Variants in ENPP3 observed in about 807,000 individuals in gnomAD.
The protein encoded by ENPP3 is ectonucleotide pyrophosphatase/phosphodiesterase family member 3.
Under a neutral mutation model 117.8 loss-of-function variants are expected in ENPP3, and 104 were observed. The ratio of observed to expected loss-of-function variants is 0.88; its 90% CI spans 0.75 to 1.04. The LOEUF is 1.04. ENPP3 is among the 50% of genes least tolerant of loss of function. ENPP3 has a pLI of 0.00. For missense variants in ENPP3, 1,026 were observed against 1,051.9 expected, an observed-to-expected ratio of 0.98 and a Z score of 0.34; for synonymous variants, 380 against 349.9, an observed-to-expected ratio of 1.09 and a Z score of -0.96.
chr6:131,678,410 TCC>T (rs916140213), intron 11 of ENPP3, among the ~76,000 whole-genome samples: 3 of 152,236 alleles, frequency 2.0e-5, no homozygotes, highest in Non-Finnish European at 4.4e-5. Flanking sequence ...CCTTCTAGGC[TCC>T]CATTGTCATT....
At chr6:131,720,402 G>T (rs73777788) in intron 17 of ENPP3, 23 bp downstream of exon 17, 4 of 1,269,568 alleles carry the variant, frequency 3.2e-6, no homozygotes, top group South Asian at 1.3e-5. Context: ...AAATAAGTTC[G>T]CCAACAAAAT....
At position 131,679,187 on chromosome 6, in the gene ENPP3, C is replaced by T. The variant is rs567542080; in HGVS notation, c.1011+1247C>T. On this transcript the variant is annotated intron_variant, in intron 11 of 24. Transcript: ENST00000357639. ...TCAGCTCTCTGCAACCTCCATGTCCCGGATTCAAGCAGTTCTCCTGTCTCA... is the reference window on the plus strand; with the variant it reads ...TCAGCTCTCTGCAACCTCCATGTCCTGGATTCAAGCAGTTCTCCTGTCTCA... 6.2e-4 allele frequency among the ~76,000 whole-genome samples: 93 copies of T among 151,210 alleles called. No individual in the cohort carries two copies. The South Asian group carries it at 0.017, about 28-fold the overall frequency.
chr6:131,717,934 A>G (rs1429096819), intron 15 of ENPP3, among the ~76,000 whole-genome samples: 1 of 152,228 alleles, frequency 6.6e-6, no homozygotes, highest in Non-Finnish European at 1.5e-5. Context: ...TGTGGTATTC[A>G]GTACAGTAGC....
chr6:131,702,259 A>T (rs1035351555), intron 15 of ENPP3, among the ~76,000 whole-genome samples: 23 of 151,722 alleles, frequency 1.5e-4, no homozygotes, highest in African/African-American at 5.4e-4. Flanking sequence ...AGGTTTAATT[A>T]AGGGCGGGCT....
chr6:131,740,089 TA>T, intron 23 of ENPP3, 134 bp from the exon 24 acceptor site: 1 of 663,582 alleles, frequency 1.5e-6, no homozygotes, highest in Non-Finnish European at 2.3e-6. Context: ...TAGCATATAG[TA>T]AAATGCTGTC....
Position 131,740,340 on chromosome 6 carries a change from T to C in ENPP3, c.2417T>C (p.Phe806Ser), listed in dbSNP as rs1256225591. 1 of 1,612,084 alleles carries C rather than the reference T, an allele frequency of 6.2e-7. No homozygotes were observed. Among genetic ancestry groups the C allele is most frequent in the Non-Finnish European group, 8.5e-7 (1 of 1,178,986 alleles). The change falls in exon 24 of 25, where the codon TTT (phenylalanine) becomes TCT (serine). Residue 806 changes from phenylalanine to serine, a missense_variant. By Grantham distance (155) the Phe-to-Ser change is radical. Coordinates refer to ENST00000357639, the MANE Select transcript of ENPP3 (RefSeq NM_005021.5). ...NCPGWLDVLPFIIPHRPTNVE... is the reference protein window; with the variant it reads ...NCPGWLDVLPSIIPHRPTNVE... ...CCTGGGTGGCTGGATGTCCTACCCT[T>C]TATCATCCCTCACCGACCTACCAAC...
chr6:131,674,522 C>T (rs554298796), intron 8 of ENPP3: 29 of 503,706 alleles, frequency 5.8e-5, no homozygotes, highest in African/African-American at 5.3e-4. Context: ...CTGGAAGTTA[C>T]TCAGAAAGAT....
chr6:131,671,195 CA>C, intron 6 of ENPP3, 52 bp from the exon 7 acceptor site: 1 of 1,014,678 alleles, frequency 9.9e-7, no homozygotes, highest in South Asian at 1.3e-5. Flanking sequence ...TTTAGTTATC[CA>C]AAAAACTGAA....
At chr6:131,690,428 G>A (rs1208704406) in intron 14 of ENPP3, among the ~76,000 whole-genome samples, 11 of 152,174 alleles carry the variant, frequency 7.2e-5, no homozygotes, top group South Asian at 4.1e-4. Context: ...CTCACTGAAC[G>A]CTCAGAGGAT....
chr6:131,668,352 T>C (rs1778666466), intron 6 of ENPP3, among the ~76,000 whole-genome samples: 1 of 151,610 alleles, frequency 6.6e-6, no homozygotes, highest in South Asian at 2.1e-4. Flanking sequence ...GGATCTGGGA[T>C]TACAGGCACG....
intron 16 of ENPP3, among the ~76,000 whole-genome samples, chr6:131,720,090 G>A (rs2114525891): frequency 6.6e-6 from 1 of 152,228 alleles, no homozygotes; most frequent in East Asian, 1.9e-4. Flanking sequence ...AGTAAATACA[G>A]CACTGATTAT....
At chr6:131,739,215 C>T (rs1398893724) in intron 23 of ENPP3, among the ~76,000 whole-genome samples, 2 of 152,200 alleles carry the variant, frequency 1.3e-5, no homozygotes, top group African/African-American at 4.8e-5. Context: ...TGTTCTAAAT[C>T]ACAGTAATAC....
chr6:131,678,367 T>C (rs922243013), intron 11 of ENPP3, among the ~76,000 whole-genome samples: 3 of 152,248 alleles, frequency 2.0e-5, no homozygotes, highest in Admixed American at 6.5e-5. Flanking sequence ...ATAATTGGAT[T>C]TAACATGTTA....
At chr6:131,707,009 T>C (rs1161375849) in intron 15 of ENPP3, among the ~76,000 whole-genome samples, 3 of 151,688 alleles carry the variant, frequency 2.0e-5, no homozygotes, top group Admixed American at 6.6e-5. Flanking sequence ...TTGTGTAGAA[T>C]TGGTGTTAAC....
intron 15 of ENPP3, among the ~76,000 whole-genome samples, chr6:131,695,418 A>G (rs1346900405): frequency 1.3e-5 from 2 of 152,194 alleles, no homozygotes; most frequent in Non-Finnish European, 2.9e-5. Flanking sequence ...TGTTAAAAGA[A>G]CTGCAACCCA....
intron 15 of ENPP3, chr6:131,709,920 C>T: frequency 1.3e-6 from 2 of 1,576,604 alleles, no homozygotes; most frequent in South Asian, 2.3e-5. Context: ...TTTCTGATTG[C>T]AAAGATGCTT....
chr6:131,671,003 T>G (rs73779849), intron 6 of ENPP3, among the ~76,000 whole-genome samples: 4,408 of 152,212 alleles, frequency 0.029, 196 homozygotes, highest in African/African-American at 0.1. Flanking sequence ...AAGCCCAACA[T>G]GTGTATCACT....
intron 5 of ENPP3, among the ~76,000 whole-genome samples, chr6:131,658,012 G>A (rs551733375): frequency 2.0e-5 from 3 of 151,900 alleles, no homozygotes; most frequent in South Asian, 2.1e-4. Flanking sequence ...AAATTTATCC[G>A]GTTGTGGTGG....
Position 131,658,376 on chromosome 6 carries a change from A to G in ENPP3, c.518A>G (p.Tyr173Cys). 2 of 1,605,916 alleles carry G rather than the reference A, an allele frequency of 1.2e-6. No individual in the cohort carries two copies. The highest frequency in any genetic ancestry group is 1.3e-5 in the African/African-American group (1 of 74,866). Residue 173 changes from tyrosine (Y) to cysteine (C), a missense_variant, in exon 6 of 25, where the codon TAT (tyrosine) becomes TGT (cysteine). Coordinates refer to ENST00000357639, the MANE Select transcript of ENPP3 (RefSeq NM_005021.5). ...TCTATGGATGGATTTAGAGCTGAATATTTATACACATGGGATACTTTAATG... is the reference window on the plus strand; with the variant it reads ...TCTATGGATGGATTTAGAGCTGAATGTTTATACACATGGGATACTTTAATG... ...LFSMDGFRAE[Y>C]LYTWDTLMPN... is the part of the protein sequence containing the mutation.
Sources: gnomAD v4.1 joint callset for allele counts (sites outside exome capture counted in the v4.1 genomes callset) on GRCh38, gnomAD v4.1.1 for gene constraint, MANE v1.5 for transcripts, NCBI Gene and HGNC (gene_info 2026-07-23, HGNC 2026-07-21) for gene names.